Variants in TNFSF9 observed in about 807,000 individuals in gnomAD.
TNFSF9 encodes the protein tumor necrosis factor ligand superfamily member 9.
In TNFSF9, 10 loss-of-function variants were observed where a neutral mutation model predicts 10.3. The ratio of observed to expected loss-of-function variants is 0.97; its 90% confidence interval spans 0.60 to 1.65. TNFSF9 has a LOEUF of 1.65. Among genes scored for constraint, TNFSF9 ranks in the 40% most tolerant of loss-of-function variants. The pLI, the probability that TNFSF9 is intolerant of heterozygous loss-of-function variation, is 0.00. For missense variants in TNFSF9, 361 were observed against 348.9 expected (o/e 1.03, Z -0.28); for synonymous variants, 195 against 176.1 (o/e 1.11, Z -0.85).
chr19:6,531,120 T>C lies in TNFSF9; in HGVS notation c.84T>C (p.Pro28=). The C allele has an allele frequency of 1.2e-6, 2 of 1,609,098 alleles. No homozygotes were observed. Among genetic ancestry groups the C allele is most frequent in the Non-Finnish European group, 1.7e-6 (2 of 1,178,208 alleles). Residue 28 remains proline, a synonymous_variant, in exon 1 of 3, where the codon CCT becomes CCC. Transcript: ENST00000245817. ...APRARACRVL[P]WALVAGLLLL... ...GCGCTCGCGCCTGCCGCGTACTGCC[T>C]TGGGCCCTGGTCGCGGGGCTGCTGC...
intron 1 of TNFSF9, 115 bp from the exon 2 acceptor site, chr19:6,532,671 G>T (rs1173785018): frequency 1.4e-6 from 2 of 1,405,956 alleles, no homozygotes; most frequent in East Asian, 2.3e-5. Context: ...GAAGGGAAGC[G>T]TAGGCTTCAG....
Position 6,531,086 on chromosome 19 carries a change from C to T in TNFSF9, c.50C>T (p.Pro17Leu), listed in dbSNP as rs541104668. Residue 17 changes from proline to leucine, a missense_variant, in exon 1 of 3, where the codon CCC (proline) becomes CTC (leucine). Transcript: ENST00000245817. ...ASLDPEAPWP[P>L]APRARACRVL... ...CTGGACCCCGAAGCCCCGTGGCCTC[C>T]CGCGCCCCGCGCTCGCGCCTGCCGC... 2.3e-5 allele frequency: 37 copies of T among 1,610,910 alleles called. 1 individual carries two copies. The South Asian group carries it at 3.6e-4, about 16-fold the overall frequency.
intron 2 of TNFSF9, 40 bp downstream of exon 2, chr19:6,532,856 C>T: frequency 5.0e-6 from 8 of 1,613,358 alleles, no homozygotes; most frequent in Non-Finnish European, 6.8e-6. Context: ...GGCCCCCCAC[C>T]ATCCCCACCC....
At chr19:6,534,130 A>C (rs1599429873) in intron 2 of TNFSF9, among the ~76,000 whole-genome samples, 3 of 56,324 alleles carry the variant, frequency 5.3e-5, no homozygotes, top group African/African-American at 7.7e-5. Context: ...CAACCCCCTC[A>C]CCGCCCTCTC....
Position 6,531,165 on chromosome 19 carries a change from C to CGCCT in TNFSF9, c.132_135dup (p.Ala46LeufsTer68). 1.3e-6 allele frequency: 2 copies of CGCCT among 1,595,158 alleles called. No homozygotes were observed. Among genetic ancestry groups the CGCCT allele is most frequent in the Non-Finnish European group, 1.7e-6 (2 of 1,171,244 alleles). On this transcript the variant is annotated frameshift_variant, in exon 1 of 3. Transcript: ENST00000245817. LOFTEE classifies it high-confidence loss of function. ...TGCTGCTGCTGCTGCTGCTCGCTGC[C>CGCCT]GCCTGCGCCGTCTTCCTCGCCTGCC...
intron 2 of TNFSF9, 92 bp downstream of exon 2, chr19:6,532,908 C>G: frequency 1.3e-6 from 2 of 1,570,240 alleles, no homozygotes; most frequent in Admixed American, 1.7e-5. Context: ...GAGGCTCTGC[C>G]GCACACTGGC....
chr19:6,532,296 T>TGTGTGTTC (rs368974339), intron 1 of TNFSF9, among the ~76,000 whole-genome samples: 3,152 of 146,012 alleles, frequency 0.022, 121 homozygotes, highest in African/African-American at 0.076. Flanking sequence ...TGTGTGTGTG[T>TGTGTGTTC]GTTCGTGTTT....
In TNFSF9 at chr19:6,531,157, C is replaced by T. The variant is rs757265052; in HGVS notation, c.121C>T (p.Leu41Phe). 6.2e-7 allele frequency: 1 copy of T among 1,600,906 alleles called. No homozygotes were observed. Among genetic ancestry groups the T allele is most frequent in the Non-Finnish European group, 8.5e-7 (1 of 1,174,350 alleles). Residue 41 changes from leucine to phenylalanine, a missense_variant, in exon 1 of 3, where the codon CTC becomes TTC. By Grantham distance (22) the Leu-to-Phe change is conservative (BLOSUM62 0). Coordinates refer to ENST00000245817, the MANE Select transcript of TNFSF9 (RefSeq NM_003811.4). Reference sequence around the variant, plus strand: ...CGCGGGGCTGCTGCTGCTGCTGCTGCTCGCTGCCGCCTGCGCCGTCTTCCT... The same window carrying T: ...CGCGGGGCTGCTGCTGCTGCTGCTGTTCGCTGCCGCCTGCGCCGTCTTCCT... ...LVAGLLLLLLLAAACAVFLAC... is the reference protein window; with the variant it reads ...LVAGLLLLLLFAAACAVFLAC...
At chr19:6,531,349 C>A in intron 1 of TNFSF9, 46 bp downstream of exon 1, 1 of 1,412,702 alleles carries the variant, frequency 7.1e-7, no homozygotes. Context: ...CGGGAGACCC[C>A]TACCGCCCCT....
At chr19:6,532,522 CGTTCGTGTGTGT>C (rs1265767913) in intron 1 of TNFSF9, among the ~76,000 whole-genome samples, 1 of 133,424 alleles carries the variant, frequency 7.5e-6, no homozygotes, top group African/African-American at 2.9e-5. Context: ...TTTGTGTTTG[CGTTCGTGTGTGT>C]GTTCGTGTTT....
At chr19:6,534,260 A>C (rs1189824749) in intron 2 of TNFSF9, among the ~76,000 whole-genome samples, 4 of 134,960 alleles carry the variant, frequency 3.0e-5, no homozygotes, top group East Asian at 2.2e-4. Context: ...CTCCTTCCCC[A>C]CCCAACCTCT....
chr19:6,532,087 A>G (rs1032311742), intron 1 of TNFSF9, among the ~76,000 whole-genome samples: 2 of 152,180 alleles, frequency 1.3e-5, no homozygotes. Context: ...GGGACCGCCA[A>G]GGAGACCCCC....
chr19:6,534,530 C>A (rs1053815080), intron 2 of TNFSF9, 70 bp from the exon 3 acceptor site: 19 of 1,357,746 alleles, frequency 1.4e-5, no homozygotes, highest in Non-Finnish European at 9.7e-7. Context: ...CTGACATGTT[C>A]GGTGCTCAGC....
In TNFSF9 at chr19:6,534,852, A is replaced by T. The variant is rs1915233683; in HGVS notation, c.551A>T (p.Asp184Val). ...GCCGCCGCCCTGGCTTTGACCGTGG[A>T]CCTGCCACCCGCCTCCTCCGAGGCT... ...AGAAALALTVDLPPASSEARN... is the reference protein window; with the variant it reads ...AGAAALALTVVLPPASSEARN... Residue 184 changes from aspartate to valine, a missense_variant, in exon 3 of 3, where the codon GAC (aspartate) becomes GTC (valine). Coordinates refer to ENST00000245817, the MANE Select transcript of TNFSF9 (RefSeq NM_003811.4). The T allele has an allele frequency of 6.2e-7, 1 of 1,606,676 alleles. No individual in the cohort carries two copies. The highest frequency in any genetic ancestry group is 1.7e-5 in the Admixed American group (1 of 59,686).
chr19:6,532,685 G>GGCA, intron 1 of TNFSF9, 101 bp from the exon 2 acceptor site: 1 of 1,546,248 alleles, frequency 6.5e-7, no homozygotes, highest in Non-Finnish European at 8.9e-7. Flanking sequence ...GCTTCAGGTC[G>GGCA]GCACAGACTC....
At position 6,535,757 on chromosome 19, in the gene TNFSF9, C is replaced by T. The variant is rs1915252049; in HGVS notation, c.*691C>T. ...AATGCAGCCTCCAGCCTCGACCTCCCGAGGCTCAGGTGATCCTCCCATCTC... is the reference window on the plus strand; with the variant it reads ...AATGCAGCCTCCAGCCTCGACCTCCTGAGGCTCAGGTGATCCTCCCATCTC... On this transcript the variant is annotated 3_prime_UTR_variant, in exon 3 of 3. Coordinates refer to ENST00000245817, the MANE Select transcript of TNFSF9 (RefSeq NM_003811.4). The T allele has an allele frequency of 2.0e-5, 3 of 152,140 alleles. No homozygotes were observed. The highest frequency in any genetic ancestry group is 2.1e-4 in the South Asian group (1 of 4,828). The allele number at this position is 152,140 out of a possible 1,614,324, so 9.4% of individuals were successfully genotyped here.
At chr19:6,534,476 C>T in intron 2 of TNFSF9, 124 bp from the exon 3 acceptor site, 1 of 832,600 alleles carries the variant, frequency 1.2e-6, no homozygotes, top group Non-Finnish European at 1.7e-6. Context: ...CCCGCCATTC[C>T]CCGCCCCCCG....
rs554805981 is a variant in TNFSF9, at chr19:6,535,594, C to T, written c.*528C>T. On this transcript the variant is annotated 3_prime_UTR_variant, in exon 3 of 3. Transcript: ENST00000245817. ...AAAGAAAATCTGAGTTATGGTAATACGTGAGGAATTTAAAGACTCATCCCC... is the reference window on the plus strand; with the variant it reads ...AAAGAAAATCTGAGTTATGGTAATATGTGAGGAATTTAAAGACTCATCCCC... 16 of 152,248 alleles carry T rather than the reference C, an allele frequency of 1.1e-4. No individual in the cohort carries two copies. Among genetic ancestry groups the T allele is most frequent in the African/African-American group, 3.1e-4 (13 of 41,542 alleles). The allele number at this position is 152,248 out of a possible 1,614,324, so 9.4% of individuals were successfully genotyped here.
intron 2 of TNFSF9, among the ~76,000 whole-genome samples, chr19:6,533,930 C>T (rs1238096153): frequency 2.3e-5 from 2 of 86,800 alleles, no homozygotes; most frequent in Non-Finnish European, 4.8e-5. Context: ...TCCTCTCTTA[C>T]CAGGTCCCCT....
Sources: gnomAD v4.1 joint callset for allele counts (sites outside exome capture counted in the v4.1 genomes callset) on GRCh38, gnomAD v4.1.1 for gene constraint, MANE v1.5 for transcripts, NCBI Gene and HGNC (gene_info 2026-07-23, HGNC 2026-07-21) for gene names.